FOXJ3: variants seen among roughly 807,000 people sequenced by gnomAD.
The protein encoded by FOXJ3 is forkhead box protein J3.
FOXJ3 carries 22 observed loss-of-function variants against 76.1 expected under a neutral mutation model. The observed-to-expected ratio is 0.29, with a 90% CI of 0.21 to 0.41. FOXJ3 has a LOEUF of 0.41. FOXJ3 is among the 10% of genes least tolerant of loss of function. FOXJ3 has a pLI of 1.00. For missense variants in FOXJ3, 613 were observed against 762.1 expected (o/e 0.80, Z 2.30); for synonymous variants, 269 against 261.2 (o/e 1.03, Z -0.29).
intron 8 of FOXJ3, among the ~76,000 whole-genome samples, chr1:42,194,190 C>A (rs1557625911): frequency 6.6e-6 from 1 of 152,174 alleles, no homozygotes; most frequent in Non-Finnish European, 1.5e-5. Flanking sequence ...TTAGGAAATG[C>A]TTCAACAGTA....
intron 11 of FOXJ3, among the ~76,000 whole-genome samples, chr1:42,183,289 C>T (rs1169142948): frequency 3.6e-5 from 2 of 55,870 alleles, no homozygotes; most frequent in African/African-American, 7.5e-5. Flanking sequence ...GAGGGTGGAG[C>T]GGAGGGGGCG....
intron 5 of FOXJ3, among the ~76,000 whole-genome samples, chr1:42,227,645 T>C (rs1569949418): frequency 6.6e-6 from 1 of 152,342 alleles, no homozygotes; most frequent in Admixed American, 6.5e-5. Context: ...GATTCAAGTC[T>C]CAAACGACAC....
intron 6 of FOXJ3, among the ~76,000 whole-genome samples, chr1:42,203,224 G>A (rs1021377415): frequency 6.6e-6 from 1 of 151,902 alleles, no homozygotes; most frequent in Non-Finnish European, 1.5e-5. Flanking sequence ...CTATTTTCTT[G>A]ACCATATCAG....
intron 5 of FOXJ3, among the ~76,000 whole-genome samples, chr1:42,212,977 A>C (rs1429155987): frequency 2.0e-5 from 3 of 151,002 alleles, no homozygotes; most frequent in Non-Finnish European, 3.0e-5. Flanking sequence ...AAAAACAAAA[A>C]AAAAACTAAG....
At position 42,178,173 on chromosome 1, in the gene FOXJ3, TAC is replaced by T. The variant is rs1439615042; in HGVS notation, c.*1535_*1536del. On this transcript the variant is annotated 3_prime_UTR_variant, in exon 13 of 13. Transcript: ENST00000361346. Reference sequence around the variant, plus strand: ...AAAGAAAGGGACCAAATGTCATGCATACACAGACATACAAGACAACAGAAACA... The same window carrying T: ...AAAGAAAGGGACCAAATGTCATGCATACAGACATACAAGACAACAGAAACA... The T allele has an allele frequency of 1.3e-5, 2 of 152,354 alleles. No individual in the cohort carries two copies. The highest frequency in any genetic ancestry group is 2.4e-5 in the African/African-American group (1 of 41,432). 9.4% of individuals were successfully genotyped at this position (152,354 alleles called of 1,614,324 possible). A position where few individuals can be genotyped will look rare whatever the true frequency, so the allele number is the denominator to read the frequency against.
At chr1:42,283,875 T>A (rs1652884648) in intron 2 of FOXJ3, among the ~76,000 whole-genome samples, 1 of 152,172 alleles carries the variant, frequency 6.6e-6, no homozygotes, top group African/African-American at 2.4e-5. Flanking sequence ...TAGGAATAAA[T>A]CCCAATTTTA....
At chr1:42,208,967 TG>T (rs1646913103) in intron 5 of FOXJ3, among the ~76,000 whole-genome samples, 1 of 152,224 alleles carries the variant, frequency 6.6e-6, no homozygotes, top group Admixed American at 6.5e-5. Context: ...ACAGAATGGT[TG>T]TATAGGTACT....
chr1:42,243,875 T>C (rs1216381878), intron 4 of FOXJ3, among the ~76,000 whole-genome samples: 1 of 152,194 alleles, frequency 6.6e-6, no homozygotes, highest in Non-Finnish European at 1.5e-5. Context: ...ATACCCGTTG[T>C]TCCCATCAGT....
At chr1:42,309,020 GC>G (rs1654642712) in intron 2 of FOXJ3, among the ~76,000 whole-genome samples, 1 of 57,286 alleles carries the variant, frequency 1.7e-5, no homozygotes. Context: ...AAAAAAAAAT[GC>G]TTTTCTACTG....
chr1:42,279,111 A>G (rs1652509021), intron 2 of FOXJ3, among the ~76,000 whole-genome samples: 1 of 152,226 alleles, frequency 6.6e-6, no homozygotes. Flanking sequence ...AGTCATAAAA[A>G]CAAATTACCA....
chr1:42,317,875 T>C (rs1655214011), intron 1 of FOXJ3, among the ~76,000 whole-genome samples: 1 of 152,214 alleles, frequency 6.6e-6, no homozygotes, highest in South Asian at 2.1e-4. Context: ...CCTTATTTTA[T>C]TCTTCATAAA....
At chr1:42,200,341 T>C (rs576301348) in intron 6 of FOXJ3, among the ~76,000 whole-genome samples, 2 of 152,378 alleles carry the variant, frequency 1.3e-5, no homozygotes, top group East Asian at 3.9e-4. Flanking sequence ...TGTTTTCTAT[T>C]GCATTAATAT....
intron 2 of FOXJ3, among the ~76,000 whole-genome samples, chr1:42,284,530 TC>T (rs1652930440): frequency 6.6e-6 from 1 of 152,000 alleles, no homozygotes; most frequent in African/African-American, 2.4e-5. Context: ...CAGCTAAGAG[TC>T]CTATAATCTG....
chr1:42,191,655 A>G lies in FOXJ3; in HGVS notation c.999T>C (p.Ser333=), dbSNP rs769980053. 3.1e-6 allele frequency: 5 copies of G among 1,614,098 alleles called. No individual in the cohort carries two copies. The highest frequency in any genetic ancestry group is 1.1e-5 in the South Asian group (1 of 91,078). The part of the protein sequence containing the change: ...QSHTSCTYQH[S]PSSTVSTHPH... ...GGTGAGTGCTCACTGTACTGCTGGGAGAGTGCTGATAGGTACATGAAGTGT... is the reference window on the plus strand; with the variant it reads ...GGTGAGTGCTCACTGTACTGCTGGGGGAGTGCTGATAGGTACATGAAGTGT... Residue 333 remains serine, a synonymous_variant, in exon 9 of 13, where the codon TCT becomes TCC. Coordinates refer to ENST00000361346, the MANE Select transcript of FOXJ3 (RefSeq NM_014947.5).
intron 3 of FOXJ3, among the ~76,000 whole-genome samples, chr1:42,269,337 A>G (rs532437329): frequency 4.0e-4 from 61 of 152,312 alleles, no homozygotes; most frequent in African/African-American, 1.4e-3. Context: ...GTCAGAAGAA[A>G]CAAGTATCAT....
chr1:42,192,539 A>G (rs1646570118), intron 8 of FOXJ3, among the ~76,000 whole-genome samples: 2 of 152,248 alleles, frequency 1.3e-5, no homozygotes, highest in African/African-American at 4.8e-5. Flanking sequence ...TACTTTCTAC[A>G]TAGTGAAGGT....
At chr1:42,227,651 G>A (rs1270519021) in intron 5 of FOXJ3, among the ~76,000 whole-genome samples, 1 of 152,136 alleles carries the variant, frequency 6.6e-6, no homozygotes, top group Non-Finnish European at 1.5e-5. Flanking sequence ...AGTCTCAAAC[G>A]ACACCTGCGC....
Position 42,227,902 on chromosome 1 carries a change from CTCT to C in FOXJ3, c.506_508del (p.Lys169del). The stretch of plus-strand genomic sequence containing the variant: ...CTTTACCCGTTCTACAGATCGTGCC[CTCT>C]TCTTTGGCCGAGTAGGCAGCACATC... On this transcript the variant is annotated inframe_deletion, in exon 5 of 13. Transcript: ENST00000361346. The C allele has an allele frequency of 6.3e-7, 1 of 1,576,862 alleles. No individual in the cohort carries two copies. Among genetic ancestry groups the C allele is most frequent in the Middle Eastern group, 1.7e-4 (1 of 5,910 alleles).
chr1:42,301,473 G>A (rs2124733445), intron 2 of FOXJ3, among the ~76,000 whole-genome samples: 1 of 152,228 alleles, frequency 6.6e-6, no homozygotes, highest in South Asian at 2.1e-4. Flanking sequence ...AAAGTGTTGG[G>A]ATTACAGGCA....
Sources: gnomAD v4.1 joint callset for allele counts (sites outside exome capture counted in the v4.1 genomes callset) on GRCh38, gnomAD v4.1.1 for gene constraint, MANE v1.5 for transcripts, NCBI Gene and HGNC (gene_info 2026-07-23, HGNC 2026-07-21) for gene names.